RALGAPB: variants seen among roughly 807,000 people sequenced by gnomAD.
RALGAPB encodes Ral GTPase activating protein non-catalytic subunit beta, also known as ral GTPase-activating protein subunit beta.
In RALGAPB, 25 loss-of-function variants were observed where a neutral mutation model predicts 161.1. The ratio of observed to expected loss-of-function variants is 0.16; its 90% CI spans 0.11 to 0.22. The LOEUF (loss-of-function observed/expected upper bound fraction) is 0.22. RALGAPB is among the 10% of genes least tolerant of loss of function. The pLI, the probability that RALGAPB is intolerant of heterozygous loss-of-function variation, is 1.00. For synonymous variants in RALGAPB, 629 were observed against 626.1 expected (o/e 1.00, Z -0.07); for missense variants, 1,391 against 1,815.2 (o/e 0.77, Z 4.25).
chr20:38,495,607 G>A (rs546003286), intron 3 of RALGAPB, among the ~76,000 whole-genome samples: 73 of 152,206 alleles, frequency 4.8e-4, no homozygotes, highest in Non-Finnish European at 3.2e-4. Context: ...AATAAAAGAT[G>A]GCAGGCCAGG....
At chr20:38,563,513 ATAACAAGTAGCAGAGCAAG>A (rs1021919688) in intron 24 of RALGAPB, among the ~76,000 whole-genome samples, 1 of 152,242 alleles carries the variant, frequency 6.6e-6, no homozygotes, top group African/African-American at 2.4e-5. Context: ...TGTAATCAGG[ATAACAAGTAGCAGAGCAAG>A]TATAAACTTA....
intron 6 of RALGAPB, among the ~76,000 whole-genome samples, chr20:38,510,925 A>C (rs191139466): frequency 0.02 from 2,356 of 120,110 alleles, 111 homozygotes; most frequent in Middle Eastern, 0.037. Flanking sequence ...AAAAAAAAAA[A>C]AGAAAATCTT....
chr20:38,480,162 T>A (rs568082759), intron 1 of RALGAPB, among the ~76,000 whole-genome samples: 1 of 151,310 alleles, frequency 6.6e-6, no homozygotes, highest in East Asian at 2.0e-4. Context: ...AAGGTTAAAC[T>A]TTTGCTCATT....
chr20:38,513,330 C>T (rs1033253234), intron 6 of RALGAPB, among the ~76,000 whole-genome samples: 3 of 152,060 alleles, frequency 2.0e-5, no homozygotes, highest in African/African-American at 7.2e-5. Context: ...ATGGTGAAAC[C>T]CTGTCTCTAC....
chr20:38,523,829 G>A (rs2086371802), intron 10 of RALGAPB, among the ~76,000 whole-genome samples: 1 of 152,194 alleles, frequency 6.6e-6, no homozygotes, highest in Non-Finnish European at 1.5e-5. Flanking sequence ...AAAGAAAATG[G>A]TCATAGAAAT....
chr20:38,525,601 C>A, intron 12 of RALGAPB, 83 bp downstream of exon 12: 2 of 1,063,078 alleles, frequency 1.9e-6, no homozygotes, highest in Admixed American at 4.8e-5. Flanking sequence ...AAAAATGAAA[C>A]AGGAGCTTTT....
At chr20:38,525,823 C>A in intron 12 of RALGAPB, 72 bp from the exon 13 acceptor site, 1 of 1,464,614 alleles carries the variant, frequency 6.8e-7, no homozygotes, top group Non-Finnish European at 9.4e-7. Flanking sequence ...TCCGTTCCTC[C>A]ATCTAGCTGT....
chr20:38,536,534 T>C (rs1251219640), intron 16 of RALGAPB, among the ~76,000 whole-genome samples: 1 of 152,200 alleles, frequency 6.6e-6, no homozygotes, highest in Non-Finnish European at 1.5e-5. Context: ...TTTAACTTTT[T>C]GAGGAACTGC....
intron 1 of RALGAPB, among the ~76,000 whole-genome samples, chr20:38,473,403 A>G (rs2084708602): frequency 6.6e-6 from 1 of 152,202 alleles, no homozygotes; most frequent in African/African-American, 2.4e-5. Context: ...TCCAGCAGAA[A>G]GGTTAGGCAA....
At chr20:38,546,673 GTGT>G in intron 19 of RALGAPB, 1 of 480,822 alleles carries the variant, frequency 2.1e-6, no homozygotes. Flanking sequence ...ATAAAAGGTG[GTGT>G]TTTAGTGGGT....
At position 38,511,385 on chromosome 20, in the gene RALGAPB, G is replaced by C. The variant is rs139231320; in HGVS notation, c.872+2177G>C. Among the ~76,000 whole-genome samples, 626 of 151,318 alleles carry C rather than the reference G, an allele frequency of 4.1e-3. 3 individuals are homozygous for C. Among genetic ancestry groups the C allele is most frequent in the African/African-American group, 0.014 (596 of 41,124 alleles). On this transcript the variant is annotated intron_variant, in intron 6 of 29. Transcript: ENST00000262879. ...TTCTTGGGTGTTTCTCGGAGAGGGG[G>C]ATTTGGCAGGGTCATAGGACAATAG...
At chr20:38,501,832 T>C (rs1489721970) in intron 5 of RALGAPB, among the ~76,000 whole-genome samples, 1 of 152,144 alleles carries the variant, frequency 6.6e-6, no homozygotes, top group Non-Finnish European at 1.5e-5. Flanking sequence ...TTTGAGACAA[T>C]TTGAAAAAAT....
chr20:38,485,473 G>A (rs1364193975), intron 1 of RALGAPB, among the ~76,000 whole-genome samples: 1 of 152,012 alleles, frequency 6.6e-6, no homozygotes, highest in East Asian at 1.9e-4. Flanking sequence ...TGTCACCCAG[G>A]CTGGAGTGCA....
At chr20:38,526,093 C>A (rs188580278) in intron 13 of RALGAPB, 51 bp downstream of exon 13, 1 of 1,594,616 alleles carries the variant, frequency 6.3e-7, no homozygotes, top group East Asian at 2.2e-5. Context: ...CTGTTGACTA[C>A]AGGCCTGCTG....
rs368478790 is a variant in RALGAPB, at chr20:38,548,785, C to G, written c.2999C>G (p.Ala1000Gly). 2.5e-6 allele frequency: 4 copies of G among 1,609,826 alleles called. No individual in the cohort carries two copies. The highest frequency in any genetic ancestry group is 3.4e-6 in the Non-Finnish European group (4 of 1,176,286). Residue 1000 changes from alanine (A) to glycine (G), a missense_variant, in exon 20 of 30, where the codon GCA becomes GGA. Physicochemically the swap from Ala to Gly is moderately conservative, Grantham distance 60. Around this residue, in one of 3 missense-constraint regions of RALGAPB, gnomAD observed 946 missense variants for 1,257.2 expected, o/e 0.75. Coordinates refer to ENST00000262879, the MANE Select transcript of RALGAPB (RefSeq NM_020336.4). Reference sequence around the variant, plus strand: ...TGTCTTTTACCCAGAGGAGCAAAAGCAAATCAGAAGGTATTCATCAGAAGT... The same window carrying G: ...TGTCTTTTACCCAGAGGAGCAAAAGGAAATCAGAAGGTATTCATCAGAAGT... ...QLCLLPRGAK[A>G]NQKLFVPEPR...
intron 21 of RALGAPB, 47 bp downstream of exon 21, chr20:38,551,270 T>C (rs1479045963): frequency 6.4e-7 from 1 of 1,571,798 alleles, no homozygotes; most frequent in Non-Finnish European, 8.7e-7. Context: ...AATAGAAACA[T>C]TCTTACGACT....
intron 5 of RALGAPB, among the ~76,000 whole-genome samples, chr20:38,503,482 G>C (rs2085656785): frequency 6.6e-6 from 1 of 152,184 alleles, no homozygotes; most frequent in African/African-American, 2.4e-5. Flanking sequence ...GAAGTAGCAA[G>C]AGAACTACAA....
chr20:38,552,403 C>CAT (rs2087409042), intron 21 of RALGAPB, among the ~76,000 whole-genome samples: 1 of 152,134 alleles, frequency 6.6e-6, no homozygotes, highest in Non-Finnish European at 1.5e-5. Flanking sequence ...TGCCTCCCCT[C>CAT]AAAGTGCTGA....
At chr20:38,563,019 C>G (rs1471202470) in intron 24 of RALGAPB, among the ~76,000 whole-genome samples, 1 of 152,154 alleles carries the variant, frequency 6.6e-6, no homozygotes, top group Admixed American at 6.5e-5. Context: ...GAGCTATGAT[C>G]ATGCCACAGC....
Sources: allele counts gnomAD v4.1 joint callset (sites outside exome capture counted in the v4.1 genomes callset), GRCh38; gene constraint gnomAD v4.1.1; regional missense constraint gnomAD v4.1.1; transcripts MANE v1.5; gene names NCBI Gene and HGNC (gene_info 2026-07-23, HGNC 2026-07-21).